The following LCORL variants were observed in gnomAD, a reference collection of about 807,000 sequenced individuals.
LCORL encodes ligand dependent nuclear receptor corepressor like, also known as ligand-dependent nuclear receptor corepressor-like protein.
LCORL carries 41 observed loss-of-function variants against 141.8 expected under a neutral mutation model. The observed-to-expected ratio is 0.29, with a 90% CI of 0.23 to 0.38. The LOEUF (loss-of-function observed/expected upper bound fraction) is 0.38. Ranked by LOEUF, LCORL falls within the 10% of genes least tolerant of loss-of-function variation. The pLI is 1.00. For missense variants in LCORL, 1,759 were observed against 2,035.0 expected (o/e 0.86, Z 2.61); for synonymous variants, 618 against 694.1 (o/e 0.89, Z 1.72).
chr4:17,851,563 T>C (rs1214694325), intron 7 of LCORL, among the ~76,000 whole-genome samples: 3 of 152,212 alleles, frequency 2.0e-5, no homozygotes, highest in Admixed American at 6.5e-5. Flanking sequence ...GAATTCTACT[T>C]TATGGATAAA....
chr4:17,999,101 G>A (rs1173304559), intron 1 of LCORL, among the ~76,000 whole-genome samples: 2 of 148,040 alleles, frequency 1.4e-5, no homozygotes, highest in African/African-American at 5.0e-5. Context: ...ATTGTATGTG[G>A]TATATTTTTG....
At chr4:17,970,543 A>T (rs1185548343) in intron 2 of LCORL, among the ~76,000 whole-genome samples, 2 of 152,238 alleles carry the variant, frequency 1.3e-5, no homozygotes, top group African/African-American at 4.8e-5. Flanking sequence ...CATGAGAAAT[A>T]GAACATAACA....
chr4:17,889,238 C>T (rs1332897094), intron 5 of LCORL, among the ~76,000 whole-genome samples: 8 of 152,062 alleles, frequency 5.3e-5, no homozygotes, highest in Admixed American at 2.6e-4. Context: ...TGCAAATAGG[C>T]TTATACTTCT....
At position 17,880,621 on chromosome 4, in the gene LCORL, T is replaced by C. The variant is rs1727440318; in HGVS notation, c.777-2408A>G. 5 of 982,952 alleles carry C rather than the reference T, an allele frequency of 5.1e-6. No homozygotes were observed. The South Asian group carries it at 1.9e-4, about 37-fold the overall frequency. 60.9% of individuals were successfully genotyped at this position (982,952 alleles called of 1,614,324 possible). On this transcript the variant is annotated intron_variant, in intron 6 of 7. Coordinates refer to ENST00000635767, the Ensembl canonical transcript of LCORL. ...CAGTTTTTTTCTTTTCTTTTCTTTTTTTCTTTTACTGAATGAGTAAATCAA... is the reference window on the plus strand; with the variant it reads ...CAGTTTTTTTCTTTTCTTTTCTTTTCTTCTTTTACTGAATGAGTAAATCAA...
chr4:17,964,487 G>A (rs1284075575), intron 2 of LCORL, among the ~76,000 whole-genome samples: 1 of 151,968 alleles, frequency 6.6e-6, no homozygotes, highest in African/African-American at 2.4e-5. Context: ...ATTTAATAAG[G>A]TCAGTTTGCA....
At chr4:17,902,618 T>A (rs1199003161) in intron 5 of LCORL, among the ~76,000 whole-genome samples, 2 of 152,132 alleles carry the variant, frequency 1.3e-5, no homozygotes, top group Non-Finnish European at 2.9e-5. Context: ...TACGTGACTC[T>A]CTTACACATA....
intron 6 of LCORL, among the ~76,000 whole-genome samples, chr4:17,885,532 G>C (rs968344735): frequency 1.3e-5 from 2 of 151,620 alleles, no homozygotes; most frequent in Non-Finnish European, 2.9e-5. Context: ...AAATCCAACA[G>C]AACAGCATTT....
chr4:18,012,196 C>T (rs1255840488), intron 1 of LCORL, among the ~76,000 whole-genome samples: 1 of 152,108 alleles, frequency 6.6e-6, no homozygotes, highest in Non-Finnish European at 1.5e-5. Flanking sequence ...ACAGTTGGTC[C>T]CTAGTGGGAT....
intron 1 of LCORL, among the ~76,000 whole-genome samples, chr4:18,018,428 G>T (rs982035374): frequency 3.9e-5 from 6 of 152,072 alleles, no homozygotes; most frequent in Non-Finnish European, 8.8e-5. Context: ...TATTAATTGG[G>T]ACAAAAGGTT....
At chr4:17,929,329 T>C (rs1735637890) in intron 4 of LCORL, among the ~76,000 whole-genome samples, 2 of 152,078 alleles carry the variant, frequency 1.3e-5, no homozygotes, top group Admixed American at 1.3e-4. Flanking sequence ...GCCAAAATAA[T>C]CTCGAAAGAG....
At chr4:18,007,024 T>C (rs1302964968) in intron 1 of LCORL, among the ~76,000 whole-genome samples, 1 of 152,214 alleles carries the variant, frequency 6.6e-6, no homozygotes, top group East Asian at 1.9e-4. Context: ...ACTCCTCTTG[T>C]AATAGTCTCC....
intron 1 of LCORL, among the ~76,000 whole-genome samples, chr4:17,993,733 T>C (rs1267041864): frequency 1.3e-5 from 2 of 151,976 alleles, no homozygotes; most frequent in African/African-American, 4.8e-5. Context: ...TCAGAAAGGA[T>C]TGTTCAAGCA....
chr4:17,886,196 G>A (rs772453883), intron 5 of LCORL, 35 bp from the exon 6 acceptor site: 13 of 991,948 alleles, frequency 1.3e-5, no homozygotes, highest in East Asian at 2.4e-5. Flanking sequence ...CTTTATATTT[G>A]CAACAGATAG....
rs187840496 is a variant in LCORL at position 17,942,931 on chromosome 4, C to T, written c.430+18972G>A. Among the ~76,000 whole-genome samples the T allele has an allele frequency of 3.5e-3, 527 of 152,194 alleles. 3 individuals are homozygous for T. The highest frequency in any genetic ancestry group is 7.2e-3 in the Admixed American group (110 of 15,294). Reference sequence around the variant, plus strand: ...CATTAGATACTCATAGGAGAACCAACCCTATTGTGAACTGTGCATGAGAGG... The same window carrying T: ...CATTAGATACTCATAGGAGAACCAATCCTATTGTGAACTGTGCATGAGAGG... On this transcript the variant is annotated intron_variant, in intron 4 of 7. Transcript: ENST00000635767.
At chr4:18,012,241 G>A (rs568496093) in intron 1 of LCORL, among the ~76,000 whole-genome samples, 6 of 152,284 alleles carry the variant, frequency 3.9e-5, no homozygotes, top group South Asian at 4.1e-4. Flanking sequence ...TTCATTCACG[G>A]CCAAGCCTCC....
chr4:17,864,121 C>CA (rs1725335392), intron 7 of LCORL, among the ~76,000 whole-genome samples: 1 of 151,856 alleles, frequency 6.6e-6, no homozygotes, highest in Non-Finnish European at 1.5e-5. Context: ...TACCCCTGAA[C>CA]CAAAAATAAA....
intron 6 of LCORL, chr4:17,882,931 T>C: frequency 4.3e-6 from 4 of 923,356 alleles, no homozygotes; most frequent in Non-Finnish European, 5.2e-6. Flanking sequence ...AAAACAAAAC[T>C]AAATTATTTT....
intron 4 of LCORL, among the ~76,000 whole-genome samples, chr4:17,931,692 T>C (rs1736068350): frequency 6.6e-6 from 1 of 152,174 alleles, no homozygotes; most frequent in Non-Finnish European, 1.5e-5. Flanking sequence ...GTTTCTACTT[T>C]ATGGAACTTA....
At chr4:17,890,734 C>T (rs942060115) in intron 5 of LCORL, among the ~76,000 whole-genome samples, 63 of 152,202 alleles carry the variant, frequency 4.1e-4, no homozygotes, top group African/African-American at 1.5e-3. Flanking sequence ...GTCTATATAA[C>T]ACTACCGGAA....
Sources: allele counts gnomAD v4.1 joint callset (sites outside exome capture counted in the v4.1 genomes callset), GRCh38; gene constraint gnomAD v4.1.1; transcripts MANE v1.5; gene names NCBI Gene and HGNC (gene_info 2026-07-23, HGNC 2026-07-21).